The following NLRP11 variants were observed in gnomAD, a reference collection of about 807,000 sequenced individuals.
The protein encoded by NLRP11 is NACHT, LRR and PYD domains-containing protein 11.
A neutral mutation model predicts 79.3 loss-of-function variants in NLRP11; 53 were observed. The observed-to-expected ratio is 0.67, with a 90% CI of 0.54 to 0.84. The LOEUF (loss-of-function observed/expected upper bound fraction) is 0.84. NLRP11 is among the 40% of genes least tolerant of loss of function. The pLI, the probability that NLRP11 is intolerant of heterozygous loss-of-function variation, is 0.00. For missense variants in NLRP11, 1,264 were observed against 1,255.0 expected, an observed-to-expected ratio of 1.01 and a Z score of -0.11; for synonymous variants, 518 against 462.6, an observed-to-expected ratio of 1.12 and a Z score of -1.54.
At chr19:55,822,867 G>C (rs1033805982) in intron 1 of NLRP11, among the ~76,000 whole-genome samples, 2 of 152,204 alleles carry the variant, frequency 1.3e-5, no homozygotes, top group Non-Finnish European at 2.9e-5. Context: ...GGCTTGATTA[G>C]GTAAACAAAG....
upstream of NLRP11, among the ~76,000 whole-genome samples, chr19:55,834,181 T>G (rs1159647804): frequency 4.6e-5 from 7 of 152,196 alleles, no homozygotes; most frequent in Non-Finnish European, 7.3e-5. Context: ...AGTGAATGGT[T>G]CTTATATAAC....
chr19:55,799,991 A>T (rs1021974154), intron 5 of NLRP11, among the ~76,000 whole-genome samples: 3 of 152,120 alleles, frequency 2.0e-5, no homozygotes, highest in Non-Finnish European at 4.4e-5. Flanking sequence ...AAACAAAAAC[A>T]AAAAGAAAGG....
Position 55,828,340 on chromosome 19 carries a change from G to A in NLRP11, c.-63+3623C>T, listed in dbSNP as rs536857797. On this transcript the variant is annotated intron_variant, in intron 1 of 9. Coordinates refer to ENST00000589093, the Ensembl canonical transcript of NLRP11. Reference sequence around the variant, plus strand: ...TAGATGACAAGTTAGTGGGTGCAGCGCACCAGCATGGCACATGTATACATA... The same window carrying A: ...TAGATGACAAGTTAGTGGGTGCAGCACACCAGCATGGCACATGTATACATA... Among the ~76,000 whole-genome samples the A allele has an allele frequency of 1.3e-3, 193 of 151,384 alleles. 7 individuals are homozygous for A. The South Asian group carries it at 0.029, about 23-fold the overall frequency.
In NLRP11 at chr19:55,821,672, TA is replaced by T. The variant is rs1198688676; in HGVS notation, c.-62-3437del. Among the ~76,000 whole-genome samples, 74 of 147,796 alleles carry T rather than the reference TA, an allele frequency of 5.0e-4. 2 individuals are homozygous for T. The East Asian group carries it at 8.1e-3, about 16-fold the overall frequency. On this transcript the variant is annotated intron_variant, in intron 1 of 9. Coordinates refer to ENST00000589093, the Ensembl canonical transcript of NLRP11. ...CATTGTTAGTGATGGGAGAACCCAT[TA>T]ACATTGTTAGTGATGGGAGAACCCA...
intron 1 of NLRP11, among the ~76,000 whole-genome samples, chr19:55,822,974 A>C (rs928097231): frequency 5.3e-5 from 8 of 151,944 alleles, no homozygotes; most frequent in African/African-American, 9.7e-5. Flanking sequence ...ACAGACAAAC[A>C]AAAAGACAGC....
chr19:55,806,349 C>T (rs1023989629), intron 4 of NLRP11, among the ~76,000 whole-genome samples: 3 of 152,240 alleles, frequency 2.0e-5, no homozygotes, highest in Non-Finnish European at 4.4e-5. Flanking sequence ...CAACTTTAGA[C>T]TGACCTTCCT....
rs187328171 is a variant in NLRP11, at chr19:55,799,554, T to G, written c.2171+2018A>C. Reference sequence around the variant, plus strand: ...AAATGTGTTCCAAGATGAAAGGAGTTTGGGGAGGGGGGCATTGAGGTAGGG... The same window carrying G: ...AAATGTGTTCCAAGATGAAAGGAGTGTGGGGAGGGGGGCATTGAGGTAGGG... On this transcript the variant is annotated intron_variant, in intron 5 of 9. Coordinates refer to ENST00000589093, the Ensembl canonical transcript of NLRP11. Among the ~76,000 whole-genome samples the G allele has an allele frequency of 6.6e-5, 10 of 151,770 alleles. No individual in the cohort carries two copies. In the East Asian group the frequency reaches 1.7e-3, roughly 27 times the overall value.
intron 1 of NLRP11, among the ~76,000 whole-genome samples, chr19:55,822,122 A>T (rs183474877): frequency 3.9e-5 from 6 of 152,192 alleles, no homozygotes; most frequent in African/African-American, 1.4e-4. Flanking sequence ...TTAGGCAAGC[A>T]TGGTGGTGGT....
intron 6 of NLRP11, among the ~76,000 whole-genome samples, chr19:55,795,155 C>T (rs1389521481): frequency 2.0e-5 from 3 of 152,068 alleles, no homozygotes; most frequent in South Asian, 2.1e-4. Context: ...CATCTTTCAT[C>T]GTGTTTGCCA....
chr19:55,827,271 G>A (rs1345626432), intron 1 of NLRP11, among the ~76,000 whole-genome samples: 1 of 143,874 alleles, frequency 7.0e-6, no homozygotes, highest in Non-Finnish European at 1.5e-5. Context: ...AATTCAAGAT[G>A]GATTAAAGAT....
rs764031268 is a variant in NLRP11 at position 55,809,775 on chromosome 19, G to A, written c.835C>T (p.Pro279Ser). ...GTTTTTACATTATTCCCACGTGTGGGCCTTGAGGAGATGAGGAACCAGCAG... is the reference window on the plus strand; with the variant it reads ...GTTTTTACATTATTCCCACGTGTGGACCTTGAGGAGATGAGGAACCAGCAG... Residue 279 changes from proline to serine, a missense_variant, in exon 3 of 10, where the codon CCC becomes TCC. Physicochemically the swap from Pro to Ser is moderately conservative, Grantham distance 74. Transcript: ENST00000589093. This position sits in a 1 kb window ranked among gnomAD's most constrained non-coding sequence, Gnocchi z 4.5. 5 of 1,614,166 alleles carry A rather than the reference G, an allele frequency of 3.1e-6. No individual in the cohort carries two copies. The highest frequency in any genetic ancestry group is 2.2e-5 in the South Asian group (2 of 91,078).
At chr19:55,794,749 G>A (rs1415960381) in intron 6 of NLRP11, among the ~76,000 whole-genome samples, 2 of 151,036 alleles carry the variant, frequency 1.3e-5, no homozygotes, top group East Asian at 3.9e-4. Context: ...AATACAGCGA[G>A]ACTCCGTCTC....
At position 55,797,995 on chromosome 19, in the gene NLRP11, T is replaced by TTC. The variant is rs1979097527; in HGVS notation, c.2172-1746_2172-1745insGA. Reference sequence around the variant, plus strand: ...CGTGAAATGGTGTATTCTATATTATTATTATTTTTTTTTTTTTTGAGATGG... The same window carrying TTC: ...CGTGAAATGGTGTATTCTATATTATTTCATTATTTTTTTTTTTTTTGAGATGG... On this transcript the variant is annotated intron_variant, in intron 5 of 9. Coordinates refer to ENST00000589093, the Ensembl canonical transcript of NLRP11. Among the ~76,000 whole-genome samples, 4 of 144,622 alleles carry TTC rather than the reference T, an allele frequency of 2.8e-5. No homozygotes were observed. In the South Asian group the frequency reaches 8.7e-4, roughly 31 times the overall value. 94.9% of individuals were successfully genotyped at this position (144,622 alleles called of 152,430 possible).
intron 4 of NLRP11, among the ~76,000 whole-genome samples, chr19:55,803,533 T>C (rs2840005): frequency 0.19 from 29,015 of 152,052 alleles, 3,195 homozygotes; most frequent in African/African-American, 0.29. Context: ...ACCTGCAGAA[T>C]GGGAGAAAAC....
At chr19:55,806,091 C>T (rs553613025) in intron 4 of NLRP11, among the ~76,000 whole-genome samples, 5 of 152,240 alleles carry the variant, frequency 3.3e-5, no homozygotes, top group Non-Finnish European at 7.3e-5. Context: ...ACCACTCCCT[C>T]AAAGGCCTTC....
At position 55,823,616 on chromosome 19, in the gene NLRP11, G is replaced by A. The variant is rs1982030261; in HGVS notation, c.-62-5380C>T. On this transcript the variant is annotated intron_variant, in intron 1 of 9. Coordinates refer to ENST00000589093, the Ensembl canonical transcript of NLRP11. ...AAGGCTCGAGAACTACGTGAAGAATGCAGAAGCCTCAGGAGCCGATACGAT... is the reference window on the plus strand; with the variant it reads ...AAGGCTCGAGAACTACGTGAAGAATACAGAAGCCTCAGGAGCCGATACGAT... Among the ~76,000 whole-genome samples the A allele has an allele frequency of 2.0e-5, 3 of 146,446 alleles. No homozygotes were observed. In the South Asian group the frequency reaches 6.4e-4, roughly 31 times the overall value.
Position 55,819,158 on chromosome 19 carries a change from C to G in NLRP11, c.-62-922G>C, listed in dbSNP as rs1018137816. On this transcript the variant is annotated intron_variant, in intron 1 of 9. Coordinates refer to ENST00000589093, the Ensembl canonical transcript of NLRP11. ...ACACACACACACACACACACACACA[C>G]ACACACACACACACACACACACACA... is the stretch of plus-strand genomic sequence containing the variant. Among the ~76,000 whole-genome samples the G allele has an allele frequency of 4.2e-4, 63 of 148,960 alleles. 1 individual carries two copies. Among genetic ancestry groups the G allele is most frequent in the Admixed American group, 8.0e-4 (12 of 15,024 alleles).
chr19:55,824,289 G>T (rs1284194517), intron 1 of NLRP11, among the ~76,000 whole-genome samples: 1 of 148,936 alleles, frequency 6.7e-6, no homozygotes, highest in African/African-American at 2.5e-5. Context: ...GGAACAACTG[G>T]TACCAGCCGC....
chr19:55,816,589 C>A (rs767764770), intron 2 of NLRP11, among the ~76,000 whole-genome samples: 5 of 152,070 alleles, frequency 3.3e-5, no homozygotes, highest in Non-Finnish European at 7.4e-5. Context: ...AGGAGTGTAC[C>A]CAAAATGTTA....
Sources: allele counts gnomAD v4.1 joint callset (sites outside exome capture counted in the v4.1 genomes callset), GRCh38; gene constraint gnomAD v4.1.1; non-coding constraint Gnocchi (gnomAD v3.1); transcripts MANE v1.5; gene names NCBI Gene and HGNC (gene_info 2026-07-23, HGNC 2026-07-21).